Variants in OBSL1 observed in about 807,000 individuals in gnomAD.
The protein encoded by OBSL1 is obscurin-like protein 1.
OBSL1 carries 160 observed loss-of-function variants against 172.0 expected under a neutral mutation model. The observed-to-expected ratio is 0.93, with a 90% CI of 0.82 to 1.06. The LOEUF is 1.06. Ranked by LOEUF, OBSL1 falls within the 50% of genes least tolerant of loss-of-function variation. OBSL1 has a pLI of 0.00. For synonymous variants in OBSL1, 1,200 were observed against 1,196.3 expected, an observed-to-expected ratio of 1.00 and a Z score of -0.06; for missense variants, 2,681 against 2,715.4, an observed-to-expected ratio of 0.99 and a Z score of 0.28.
rs1697097526 is a variant in OBSL1 at position 219,568,460 on chromosome 2, C to A, written c.1013-136G>T. The A allele has an allele frequency of 6.9e-6, 6 of 866,590 alleles. No homozygotes were observed. The highest frequency in any genetic ancestry group is 1.0e-5 in the Non-Finnish European group (6 of 580,122). 53.7% of individuals were successfully genotyped at this position (866,590 alleles called of 1,614,324 possible). A position where few individuals can be genotyped will look rare whatever the true frequency, so the allele number is the denominator to read the frequency against. On this transcript the variant is annotated intron_variant, in intron 1 of 20. Transcript: ENST00000404537. The surrounding 1 kb of genome is among the most constrained non-coding windows in gnomAD (Gnocchi z 4.1). ...GCGGGCACTGTGGAATCACAGAAAA[C>A]TACCAGAAGGGAAGTGGTGGTTCCT...
At chr2:219,550,494 G>A (rs1695542989), downstream of OBSL1, 2 of 348,420 alleles carry the variant, frequency 5.7e-6, no homozygotes, top group Admixed American at 4.0e-5. Context: ...CATGTCTGGT[G>A]TCTGTCATGC....
In OBSL1 at chr2:219,552,217, C is replaced by T. The variant is rs1411500872; in HGVS notation, c.5309-1G>A. 2 of 1,598,296 alleles carry T rather than the reference C, an allele frequency of 1.3e-6. No homozygotes were observed. Among genetic ancestry groups the T allele is most frequent in the East Asian group, 4.5e-5 (2 of 44,160 alleles). ...CTAAGCACCAGAATGTGTTTCTTCC[C>T]TGGGGGTGAGGGGGTCGCTAGCGAG... On this transcript the variant is annotated splice_acceptor_variant, in intron 18 of 20. Transcript: ENST00000404537. LOFTEE classifies it high-confidence loss of function.
rs760737501 is a variant in OBSL1 at position 219,556,140 on chromosome 2, A to G, written c.4489T>C (p.Ser1497Pro). 6.2e-7 allele frequency: 1 copy of G among 1,613,904 alleles called. No individual in the cohort carries two copies. ...GQPLPHDSRL[S>P]MAQDGHIHRL... is the part of the protein sequence containing the mutation. ...TGGATGTGCCCATCCTGGGCCATGGACAGGCGAGAGTCGTGGGGCAGGGGC... is the reference window on the plus strand; with the variant it reads ...TGGATGTGCCCATCCTGGGCCATGGGCAGGCGAGAGTCGTGGGGCAGGGGC... The change falls in exon 14 of 21, where the codon TCC becomes CCC. Residue 1497 changes from serine (S) to proline (P), a missense_variant. Around this residue, in one of 5 missense-constraint regions of OBSL1, gnomAD observed 1,765 missense variants for 1,748.3 expected, o/e 1.01. Transcript: ENST00000404537.
In OBSL1 at chr2:219,551,561, T is replaced by C; in HGVS notation, c.5651A>G (p.Gln1884Arg). The C allele has an allele frequency of 1.9e-6, 3 of 1,601,052 alleles. No homozygotes were observed. Among genetic ancestry groups the C allele is most frequent in the Non-Finnish European group, 1.7e-6 (2 of 1,174,098 alleles). Residue 1884 changes from glutamine to arginine, a missense_variant, in exon 20 of 21, where the codon CAG becomes CGG. Physicochemically the swap from Gln to Arg is conservative, Grantham distance 43 (BLOSUM62 1). Coordinates refer to ENST00000404537, the MANE Select transcript of OBSL1 (RefSeq NM_015311.3). ...DQGTYCCQAG[Q>R]DSTHTRLLVE... ...CAGCAGCCGTGTGTGGGTGCTGTCC[T>C]GGCCGGCCTGGCAGCAGTAAGTGCC...
At chr2:219,550,883 G>C (rs1695566580) in intron 20 of OBSL1, 41 bp from the exon 21 acceptor site, 1 of 1,604,060 alleles carries the variant, frequency 6.2e-7, no homozygotes, top group South Asian at 1.1e-5. Context: ...GGAGAGAAGG[G>C]GGTACCACCT....
intron 8 of OBSL1, among the ~76,000 whole-genome samples, chr2:219,561,208 G>A (rs2106057494): frequency 6.6e-6 from 1 of 152,226 alleles, no homozygotes; most frequent in Admixed American, 6.5e-5. Flanking sequence ...GGGCAGGGCT[G>A]GGAGAGGACA....
rs1354470372 is a variant in OBSL1 at position 219,558,231 on chromosome 2, A to T, written c.3455T>A (p.Val1152Glu). Residue 1152 changes from valine (V) to glutamate (E), a missense_variant, in exon 10 of 21, where the codon GTG (valine) becomes GAG (glutamate). By Grantham distance (121) the Val-to-Glu change is moderately radical. This residue lies in a region of OBSL1 where 1,765 missense variants were observed against 1,748.3 expected (regional missense o/e 1.01). Transcript: ENST00000404537. ...HAQPEDAGEYVCETRHEAITF... is the reference protein window; with the variant it reads ...HAQPEDAGEYECETRHEAITF... Reference sequence around the variant, plus strand: ...GATGGCCTCATGCCGGGTCTCACACACATACTCCCCGGCGTCCTCAGGCTG... The same window carrying T: ...GATGGCCTCATGCCGGGTCTCACACTCATACTCCCCGGCGTCCTCAGGCTG... 6.2e-7 allele frequency: 1 copy of T among 1,610,798 alleles called. No individual in the cohort carries two copies. The highest frequency in any genetic ancestry group is 8.5e-7 in the Non-Finnish European group (1 of 1,178,086).
chr2:219,569,808 T>C (rs1697203470), intron 1 of OBSL1, among the ~76,000 whole-genome samples: 1 of 152,246 alleles, frequency 6.6e-6, no homozygotes, highest in Non-Finnish European at 1.5e-5. Flanking sequence ...GTTATATACG[T>C]AGACTCAGCA....
chr2:219,555,791 C>T (rs1390929321), intron 14 of OBSL1: 23 of 1,383,114 alleles, frequency 1.7e-5, no homozygotes, highest in Admixed American at 6.3e-5. Context: ...ATAGCAAAGC[C>T]GACTTGGAAA....
At chr2:219,553,156 G>T in intron 16 of OBSL1, 132 bp from the exon 17 acceptor site, 1 of 1,253,572 alleles carries the variant, frequency 8.0e-7, no homozygotes, top group Non-Finnish European at 1.1e-6. Flanking sequence ...CGTGTTCCCA[G>T]GCTGGGGTCG....
At chr2:219,547,965 C>A, downstream of OBSL1, 1 of 1,589,470 alleles carries the variant, frequency 6.3e-7, no homozygotes, top group Non-Finnish European at 8.5e-7. Context: ...CGGGCTGCTC[C>A]TGTGCCCCCA....
intron 6 of OBSL1, among the ~76,000 whole-genome samples, chr2:219,564,843 AGGCG>A (rs1696763250): frequency 6.6e-6 from 1 of 152,234 alleles, no homozygotes; most frequent in Admixed American, 6.5e-5. Flanking sequence ...TAGAAGGCTG[AGGCG>A]GGCAGATCAT....
rs756906456 is a variant in OBSL1 at position 219,568,201 on chromosome 2, C to T, written c.1136G>A (p.Arg379Gln). Reference protein sequence around the residue: ...IPTAWFREDQRLLPCRKYEQI... With the variant: ...IPTAWFREDQQLLPCRKYEQI... ...CTCGTACTTGCGGCAGGGCAGCAGCCGCTGGTCCTCACGGAACCAGGCCGT... is the reference window on the plus strand; with the variant it reads ...CTCGTACTTGCGGCAGGGCAGCAGCTGCTGGTCCTCACGGAACCAGGCCGT... Residue 379 changes from arginine to glutamine, a missense_variant, in exon 2 of 21, where the codon CGG becomes CAG. By Grantham distance (43) the Arg-to-Gln change is conservative. Coordinates refer to ENST00000404537, the MANE Select transcript of OBSL1 (RefSeq NM_015311.3). The surrounding 1 kb of genome is among the most constrained non-coding windows in gnomAD (Gnocchi z 4.1). 25 of 1,613,506 alleles carry T rather than the reference C, an allele frequency of 1.5e-5. No individual in the cohort carries two copies. Among genetic ancestry groups the T allele is most frequent in the Middle Eastern group, 1.6e-4 (1 of 6,084 alleles).
Position 219,570,432 on chromosome 2 carries a change from G to A in OBSL1, c.801C>T (p.Cys267=). 6.2e-7 allele frequency: 1 copy of A among 1,613,220 alleles called. No individual in the cohort carries two copies. The highest frequency in any genetic ancestry group is 2.2e-5 in the East Asian group (1 of 44,868). The part of the protein sequence containing the change: ...VNEGKHAKFR[C]YVMGKPEPEI... ...CGGGCTCGGGCTTGCCCATCACGTA[G>A]CAGCGGAACTTGGCGTGCTTGCCCT... is the stretch of plus-strand genomic sequence containing the variant. The change falls in exon 1 of 21, where the codon TGC becomes TGT. Residue 267 remains cysteine (C), a synonymous_variant. Transcript: ENST00000404537.
At position 219,552,548 on chromosome 2, in the gene OBSL1, T is replaced by C; in HGVS notation, c.5296A>G (p.Ile1766Val). ...RPLRPGARVR[I>V]RQEGKKHILV... Reference sequence around the variant, plus strand: ...CAGGCGGGCAGACCTTCCTGTCGGATGCGGACGCGGGCTCCGGGTCTCAGC... The same window carrying C: ...CAGGCGGGCAGACCTTCCTGTCGGACGCGGACGCGGGCTCCGGGTCTCAGC... The change falls in exon 18 of 21, where the codon ATC (isoleucine) becomes GTC (valine). Residue 1766 changes from isoleucine to valine, a missense_variant. By Grantham distance (29) the Ile-to-Val change is conservative (BLOSUM62 3). Transcript: ENST00000404537. 1 of 1,596,362 alleles carries C rather than the reference T, an allele frequency of 6.3e-7. No homozygotes were observed. Among genetic ancestry groups the C allele is most frequent in the Non-Finnish European group, 8.5e-7 (1 of 1,177,720 alleles).
intron 15 of OBSL1, 63 bp from the exon 16 acceptor site, chr2:219,553,749 AAGG>A: frequency 1.7e-6 from 2 of 1,179,048 alleles, no homozygotes; most frequent in African/African-American, 1.5e-5. Flanking sequence ...TTGCAGGGAC[AAGG>A]AGGACATACA....
chr2:219,549,331 T>G (rs775676931), downstream of OBSL1: 64 of 1,613,272 alleles, frequency 4.0e-5, no homozygotes, highest in Non-Finnish European at 4.0e-5. Context: ...CATCAAACGC[T>G]TCAATGGAGA....
At chr2:219,547,279 T>C (rs1695408251), downstream of OBSL1, 2 of 428,050 alleles carry the variant, frequency 4.7e-6, no homozygotes, top group Non-Finnish European at 8.3e-6. Context: ...ATCTCAATGG[T>C]TATGTTTGCC....
At position 219,568,304 on chromosome 2, in the gene OBSL1, G is replaced by A. The variant is rs746057787; in HGVS notation, c.1033C>T (p.Arg345Trp). The change falls in exon 2 of 21, where the codon CGG (arginine) becomes TGG (tryptophan). Residue 345 changes from arginine (R) to tryptophan (W), a missense_variant. This residue lies in a region of OBSL1 where 706 missense variants were observed against 695.8 expected (regional missense o/e 1.01). Coordinates refer to ENST00000404537, the MANE Select transcript of OBSL1 (RefSeq NM_015311.3). The surrounding 1 kb of genome is among the most constrained non-coding windows in gnomAD (Gnocchi z 4.1). The part of the protein sequence containing the change: ...HVKEPRLRFT[R>W]PLQDVEGREH... ...CGGCCCTCCACGTCCTGCAGGGGCCGTGTGAACCGGAGGCGGGGCTCTGTG... is the reference window on the plus strand; with the variant it reads ...CGGCCCTCCACGTCCTGCAGGGGCCATGTGAACCGGAGGCGGGGCTCTGTG... 3.4e-5 allele frequency: 55 copies of A among 1,604,998 alleles called. No individual in the cohort carries two copies. The highest frequency in any genetic ancestry group is 4.1e-5 in the Non-Finnish European group (48 of 1,175,952).
Sources: gnomAD v4.1 joint callset for allele counts (sites outside exome capture counted in the v4.1 genomes callset) on GRCh38, gnomAD v4.1.1 for gene constraint, gnomAD v4.1.1 regional missense constraint, Gnocchi (gnomAD v3.1) non-coding constraint, MANE v1.5 for transcripts, NCBI Gene and HGNC (gene_info 2026-07-23, HGNC 2026-07-21) for gene names.